SLC6A20: variants seen among roughly 807,000 people sequenced by gnomAD.
The protein encoded by SLC6A20 is solute carrier family 6 member 20, also known as sodium- and chloride-dependent transporter XTRP3.
In SLC6A20, 73 loss-of-function variants were observed where a neutral mutation model predicts 64.3. The observed-to-expected ratio is 1.14, with a 90% CI of 0.94 to 1.38. SLC6A20 has a LOEUF of 1.38. SLC6A20 is among the 40% of genes most tolerant of loss of function. SLC6A20 has a pLI of 0.00. For missense variants in SLC6A20, 725 were observed against 772.8 expected, an observed-to-expected ratio of 0.94 and a Z score of 0.73; for synonymous variants, 347 against 329.6, an observed-to-expected ratio of 1.05 and a Z score of -0.57.
chr3:45,775,915 G>A lies in SLC6A20; in HGVS notation c.428C>T (p.Ser143Phe). 6.2e-7 allele frequency: 1 copy of A among 1,614,228 alleles called. No homozygotes were observed. Among genetic ancestry groups the A allele is most frequent in the Non-Finnish European group, 8.5e-7 (1 of 1,180,032 alleles). The change falls in exon 4 of 11, where the codon TCC becomes TTC. Residue 143 changes from serine to phenylalanine, a missense_variant. Ser to Phe is a radical substitution (Grantham distance 155). Coordinates refer to ENST00000358525, the MANE Select transcript of SLC6A20 (RefSeq NM_020208.4). ...TGYDEECEKA[S>F]STQYFWYRKT... ...CCTGTACCAGAAGTACTGTGTGGAG[G>A]ACGCCTTCTCACACTCCTCATCGTA...
In SLC6A20 at chr3:45,758,342, G is replaced by A. The variant is rs993581690; in HGVS notation, c.*636C>T. On this transcript the variant is annotated 3_prime_UTR_variant, in exon 11 of 11. Coordinates refer to ENST00000358525, the MANE Select transcript of SLC6A20 (RefSeq NM_020208.4). ...GTTTGGGGTTGCAAACTGTAGTTGG[G>A]GCAATTTTTTGTAGAGAGGTCTGGT... 2.1e-5 allele frequency: 23 copies of A among 1,076,566 alleles called. No individual in the cohort carries two copies. The highest frequency in any genetic ancestry group is 1.4e-5 in the Non-Finnish European group (11 of 806,652). The allele number at this position is 1,076,566 out of a possible 1,614,324, so 66.7% of individuals were successfully genotyped here.
chr3:45,782,313 CCTGT>C (rs1057257162), intron 1 of SLC6A20, 90 bp from the exon 2 acceptor site: 3 of 1,495,906 alleles, frequency 2.0e-6, no homozygotes, highest in Non-Finnish European at 1.8e-6. Context: ...CTTCCATCCT[CCTGT>C]CTTTCTACTT....
intron 1 of SLC6A20, among the ~76,000 whole-genome samples, chr3:45,789,710 C>T (rs1000387657): frequency 2.0e-5 from 3 of 151,938 alleles, no homozygotes; most frequent in East Asian, 1.9e-4. Flanking sequence ...CTGGTGATTT[C>T]GTATTTTATT....
chr3:45,759,042 A>AGG lies in SLC6A20; in HGVS notation c.1713_1714dup (p.Leu572ProfsTer50), dbSNP rs1699601985. 1 of 1,612,310 alleles carries AGG rather than the reference A, an allele frequency of 6.2e-7. No homozygotes were observed. Among genetic ancestry groups the AGG allele is most frequent in the Non-Finnish European group, 8.5e-7 (1 of 1,179,438 alleles). ...CTGAACAAAAGTCCCCAGGGCCGCC[A>AGG]GGGGGATGCACATGGTGGAGGAGGC... On this transcript the variant is annotated frameshift_variant, in exon 11 of 11. Transcript: ENST00000358525. LOFTEE classifies it low-confidence loss of function (END_TRUNC).
At chr3:45,775,700 G>A in intron 4 of SLC6A20, 61 bp downstream of exon 4, 1 of 1,508,166 alleles carries the variant, frequency 6.6e-7, no homozygotes, top group Middle Eastern at 1.9e-4. Context: ...AGAGGCAGCT[G>A]CCCCTTGGTG....
At chr3:45,794,336 T>C (rs7618553) in intron 1 of SLC6A20, among the ~76,000 whole-genome samples, 12,291 of 152,236 alleles carry the variant, frequency 0.081, 495 homozygotes, top group African/African-American at 0.087. Context: ...GTCAAGTGCC[T>C]ACGGTGCCAA....
intron 4 of SLC6A20, among the ~76,000 whole-genome samples, chr3:45,774,953 T>C (rs1426779978): frequency 6.6e-6 from 1 of 151,980 alleles, no homozygotes; most frequent in Non-Finnish European, 1.5e-5. Context: ...AATGACACAA[T>C]GTGGGTGCTC....
intron 3 of SLC6A20, 147 bp from the exon 4 acceptor site, chr3:45,776,135 C>T: frequency 2.8e-6 from 2 of 723,364 alleles, no homozygotes; most frequent in South Asian, 3.5e-5. Flanking sequence ...CCCCTGAAGG[C>T]AGACTGGGAG....
intron 5 of SLC6A20, 130 bp from the exon 6 acceptor site, chr3:45,771,588 A>C: frequency 7.0e-7 from 1 of 1,435,420 alleles, no homozygotes; most frequent in East Asian, 2.4e-5. Context: ...GGGCACCCCT[A>C]GGGCTGGAGA....
chr3:45,774,595 A>G (rs1699933498), intron 4 of SLC6A20, among the ~76,000 whole-genome samples: 1 of 152,154 alleles, frequency 6.6e-6, no homozygotes, highest in Admixed American at 6.5e-5. Flanking sequence ...AAAATGCCCT[A>G]CCAGGCATGA....
intron 1 of SLC6A20, among the ~76,000 whole-genome samples, chr3:45,786,770 T>C (rs1700176544): frequency 6.6e-6 from 1 of 152,268 alleles, no homozygotes; most frequent in South Asian, 2.1e-4. Flanking sequence ...CCTAATTCCA[T>C]CATTCCTTCT....
At chr3:45,780,212 G>A (rs1700054536) in intron 2 of SLC6A20, 112 bp from the exon 3 acceptor site, 1 of 906,048 alleles carries the variant, frequency 1.1e-6, no homozygotes, top group Admixed American at 2.3e-5. Flanking sequence ...GGGTGGGCGA[G>A]GCCTCCCTCC....
chr3:45,777,159 C>T (rs182185072), intron 3 of SLC6A20, among the ~76,000 whole-genome samples: 1 of 152,348 alleles, frequency 6.6e-6, no homozygotes, highest in Admixed American at 6.5e-5. Flanking sequence ...AGTCTGACCA[C>T]CCCACTGGGC....
rs1487362689 is a variant in SLC6A20, at chr3:45,775,935, A to G, written c.408T>C (p.Asp136=). The G allele has an allele frequency of 1.9e-6, 3 of 1,614,096 alleles. No homozygotes were observed. Among genetic ancestry groups the G allele is most frequent in the Admixed American group, 1.7e-5 (1 of 60,010 alleles). Residue 136 remains aspartate (D), a synonymous_variant, in exon 4 of 11, where the codon GAT becomes GAC. Coordinates refer to ENST00000358525, the MANE Select transcript of SLC6A20 (RefSeq NM_020208.4). ...TGGAGGACGCCTTCTCACACTCCTCATCGTAGCCCGTGTGGTTACCATTCA... is the reference window on the plus strand; with the variant it reads ...TGGAGGACGCCTTCTCACACTCCTCGTCGTAGCCCGTGTGGTTACCATTCA... ...CPLNGNHTGY[D]EECEKASSTQ... is the part of the protein sequence containing the mutation.
rs1374735745 is a variant in SLC6A20, at chr3:45,796,519, G to C, written c.-100C>G. The stretch of plus-strand genomic sequence containing the variant: ...GCCGTCCCACCCCGGCTCGGCTTGG[G>C]GGTGGCCCCGCGCCTCCGCCGCCGA... On this transcript the variant is annotated 5_prime_UTR_variant, in exon 1 of 11. Transcript: ENST00000358525. The C allele has an allele frequency of 4.8e-6, 6 of 1,244,426 alleles. No homozygotes were observed. Among genetic ancestry groups the C allele is most frequent in the Non-Finnish European group, 6.3e-6 (6 of 959,708 alleles). The allele number at this position is 1,244,426 out of a possible 1,614,324, so 77.1% of individuals were successfully genotyped here. A position where few individuals can be genotyped will look rare whatever the true frequency, so the allele number is the denominator to read the frequency against.
chr3:45,761,489 C>T (rs538452346), intron 9 of SLC6A20, among the ~76,000 whole-genome samples: 1 of 152,162 alleles, frequency 6.6e-6, no homozygotes, highest in Non-Finnish European at 1.5e-5. Flanking sequence ...TTCTGTTCCT[C>T]TCTCCCAACC....
At chr3:45,787,961 CT>C (rs1385592323) in intron 1 of SLC6A20, among the ~76,000 whole-genome samples, 5 of 152,094 alleles carry the variant, frequency 3.3e-5, no homozygotes. Context: ...TGTGGAATAA[CT>C]TTGGATAGGG....
intron 1 of SLC6A20, among the ~76,000 whole-genome samples, chr3:45,792,506 G>C (rs571726148): frequency 6.6e-6 from 1 of 152,338 alleles, no homozygotes; most frequent in South Asian, 2.1e-4. Context: ...TACCAGGATT[G>C]AGTCTGGAAA....
chr3:45,795,096 AC>A (rs961278849), intron 1 of SLC6A20, among the ~76,000 whole-genome samples: 1 of 152,176 alleles, frequency 6.6e-6, no homozygotes, highest in Non-Finnish European at 1.5e-5. Flanking sequence ...GGTGAAAAAA[AC>A]ATGCTAATTA....
Sources: allele counts gnomAD v4.1 joint callset (sites outside exome capture counted in the v4.1 genomes callset), GRCh38; gene constraint gnomAD v4.1.1; transcripts MANE v1.5; gene names NCBI Gene and HGNC (gene_info 2026-07-23, HGNC 2026-07-21).